TAFA1: variants seen among roughly 807,000 people sequenced by gnomAD.
TAFA1 encodes chemokine-like protein TAFA-1.
In TAFA1, 4 loss-of-function variants were observed where a neutral mutation model predicts 18.5. That is an observed-to-expected ratio of 0.22 (90% CI 0.11 to 0.49). TAFA1 has a LOEUF of 0.49. Ranked by LOEUF, TAFA1 falls within the 20% of genes least tolerant of loss-of-function variation. The probability of loss-of-function intolerance (pLI) is 0.98; values close to 1 mark genes in which losing one functional copy is unlikely to be tolerated. For synonymous variants in TAFA1, 56 were observed against 55.2 expected (o/e 1.01, Z -0.06); for missense variants, 147 against 169.0 (o/e 0.87, Z 0.72).
At chr3:68,384,454 T>C (rs1157151253) in intron 2 of TAFA1, among the ~76,000 whole-genome samples, 1 of 152,146 alleles carries the variant, frequency 6.6e-6, no homozygotes, top group African/African-American at 2.4e-5. Context: ...GGTTATTCAA[T>C]GTAAATGTAC....
At chr3:68,048,877 G>T (rs1333538505) in intron 2 of TAFA1, among the ~76,000 whole-genome samples, 1 of 152,098 alleles carries the variant, frequency 6.6e-6, no homozygotes, top group East Asian at 1.9e-4. Context: ...GTACACTGAG[G>T]TTTCTCTCAA....
At chr3:68,136,550 C>G (rs1183994715) in intron 2 of TAFA1, among the ~76,000 whole-genome samples, 4 of 152,126 alleles carry the variant, frequency 2.6e-5, no homozygotes, top group African/African-American at 9.7e-5. Context: ...TGTTCTTTAC[C>G]TGGAACGGCT....
At chr3:68,323,398 G>A (rs1420760115) in intron 2 of TAFA1, among the ~76,000 whole-genome samples, 1 of 152,182 alleles carries the variant, frequency 6.6e-6, no homozygotes, top group East Asian at 1.9e-4. Flanking sequence ...CAAATGTAAA[G>A]GAAAGCTGAA....
At chr3:68,332,430 A>G (rs2068896614) in intron 2 of TAFA1, among the ~76,000 whole-genome samples, 2 of 152,232 alleles carry the variant, frequency 1.3e-5, no homozygotes, top group South Asian at 4.1e-4. Flanking sequence ...ATCAAACTAA[A>G]AAGTTATTGC....
chr3:68,360,574 T>C lies in TAFA1; in HGVS notation c.119-56706T>C, dbSNP rs368531806. 1.3e-3 allele frequency among the ~76,000 whole-genome samples: 192 copies of C among 152,034 alleles called. 1 individual carries two copies. Among genetic ancestry groups the C allele is most frequent in the African/African-American group, 3.8e-3 (157 of 41,522 alleles). On this transcript the variant is annotated intron_variant, in intron 2 of 4. Transcript: ENST00000478136. ...GTATGGTTGTTGGGTTTTTTTTAAGTCACAAATCTGCTCACTCAGCAGACT... is the reference window on the plus strand; with the variant it reads ...GTATGGTTGTTGGGTTTTTTTTAAGCCACAAATCTGCTCACTCAGCAGACT...
intron 2 of TAFA1, among the ~76,000 whole-genome samples, chr3:68,056,427 C>G (rs2064537622): frequency 6.6e-6 from 1 of 152,164 alleles, no homozygotes; most frequent in Non-Finnish European, 1.5e-5. Flanking sequence ...CACCCTCTGT[C>G]CTTACCAAAC....
chr3:68,442,884 TA>T (rs2071409317), intron 3 of TAFA1, among the ~76,000 whole-genome samples: 1 of 152,172 alleles, frequency 6.6e-6, no homozygotes, highest in African/African-American at 2.4e-5. Context: ...AATTTCATGT[TA>T]TAGTCCTGTA....
At chr3:68,460,173 A>G (rs2071748053) in intron 3 of TAFA1, among the ~76,000 whole-genome samples, 1 of 152,168 alleles carries the variant, frequency 6.6e-6, no homozygotes, top group South Asian at 2.1e-4. Flanking sequence ...AAAATTGGCT[A>G]TAGGTGGCAT....
At chr3:68,178,074 G>A (rs957142477) in intron 2 of TAFA1, among the ~76,000 whole-genome samples, 3 of 152,170 alleles carry the variant, frequency 2.0e-5, no homozygotes, top group Admixed American at 6.5e-5. Context: ...AACCTGGGAG[G>A]CGGAGCTTGC....
At chr3:68,478,937 A>G (rs1010266643) in intron 3 of TAFA1, among the ~76,000 whole-genome samples, 1 of 144,094 alleles carries the variant, frequency 6.9e-6, no homozygotes, top group South Asian at 2.2e-4. Flanking sequence ...TATATACATA[A>G]AAATATATAT....
chr3:68,530,148 T>C (rs1190099146), intron 3 of TAFA1, among the ~76,000 whole-genome samples: 2 of 152,196 alleles, frequency 1.3e-5, no homozygotes, highest in Admixed American at 1.3e-4. Flanking sequence ...TTGATAAACA[T>C]TTGCTGAATT....
chr3:68,496,861 G>A (rs1410591750), intron 3 of TAFA1, among the ~76,000 whole-genome samples: 1 of 152,044 alleles, frequency 6.6e-6, no homozygotes, highest in Non-Finnish European at 1.5e-5. Flanking sequence ...TGATTATACT[G>A]CATATAAATA....
chr3:68,284,468 C>T (rs762701635), intron 2 of TAFA1, among the ~76,000 whole-genome samples: 1 of 152,176 alleles, frequency 6.6e-6, no homozygotes, highest in Non-Finnish European at 1.5e-5. Context: ...TCCTCTGACC[C>T]AGAAATTCTT....
At chr3:68,144,941 T>C (rs1470844222) in intron 2 of TAFA1, 2 of 777,616 alleles carry the variant, frequency 2.6e-6, no homozygotes, top group African/African-American at 1.7e-5. Context: ...GTTGTGATGA[T>C]AATATAAAAT....
At chr3:68,069,392 T>C (rs546847707) in intron 2 of TAFA1, among the ~76,000 whole-genome samples, 173 of 152,308 alleles carry the variant, frequency 1.1e-3, no homozygotes, top group Middle Eastern at 6.8e-3. Context: ...ACTTATTTAC[T>C]ATCATGAGAA....
chr3:68,332,623 GA>G (rs1340085736), intron 2 of TAFA1, among the ~76,000 whole-genome samples: 1 of 152,134 alleles, frequency 6.6e-6, no homozygotes, highest in African/African-American at 2.4e-5. Flanking sequence ...TTGTCCTAAA[GA>G]AGACATGCAT....
Position 68,432,412 on chromosome 3 carries a change from G to A in TAFA1, c.259+14992G>A, listed in dbSNP as rs539503558. Among the ~76,000 whole-genome samples, 10 of 152,088 alleles carry A rather than the reference G, an allele frequency of 6.6e-5. No individual in the cohort carries two copies. The East Asian group carries it at 1.7e-3, about 27-fold the overall frequency. The stretch of plus-strand genomic sequence containing the variant: ...ATATTGTGAGCCCTCAATTATATTA[G>A]CAATAATGCACTCAGAAAATATATT... On this transcript the variant is annotated intron_variant, in intron 3 of 4. Coordinates refer to ENST00000478136, the MANE Select transcript of TAFA1 (RefSeq NM_213609.4).
intron 2 of TAFA1, among the ~76,000 whole-genome samples, chr3:68,080,110 G>T (rs2064877592): frequency 6.6e-6 from 1 of 152,070 alleles, no homozygotes; most frequent in Non-Finnish European, 1.5e-5. Context: ...TTTAAAGTCT[G>T]TTTTACCAGA....
At chr3:68,440,121 G>C (rs1455026659) in intron 3 of TAFA1, among the ~76,000 whole-genome samples, 3 of 151,986 alleles carry the variant, frequency 2.0e-5, no homozygotes, top group Non-Finnish European at 4.4e-5. Context: ...GGAGGTGATT[G>C]AGTTATGGGG....
Sources: allele counts gnomAD v4.1 joint callset (sites outside exome capture counted in the v4.1 genomes callset), GRCh38; gene constraint gnomAD v4.1.1; transcripts MANE v1.5; gene names NCBI Gene and HGNC (gene_info 2026-07-23, HGNC 2026-07-21).